KCNQ4: variants seen among roughly 807,000 people sequenced by gnomAD.
KCNQ4 encodes the protein potassium voltage-gated channel subfamily Q member 4, also known as potassium voltage-gated channel subfamily KQT member 4.
In KCNQ4, 31 loss-of-function variants were observed where a neutral mutation model predicts 72.6. The ratio of observed to expected loss-of-function variants is 0.43; its 90% confidence interval spans 0.32 to 0.58. The LOEUF (loss-of-function observed/expected upper bound fraction) is 0.58, where lower values mean the gene tolerates loss of function less well. Among genes scored for constraint, KCNQ4 ranks in the 20% least tolerant of loss-of-function variants. KCNQ4 has a pLI of 0.08. For missense variants in KCNQ4, 869 were observed against 962.6 expected, an observed-to-expected ratio of 0.90 and a Z score of 1.29; for synonymous variants, 405 against 403.7, an observed-to-expected ratio of 1.00 and a Z score of -0.04.
At chr1:40,795,365 G>A (rs978790990) in intron 1 of KCNQ4, among the ~76,000 whole-genome samples, 5 of 150,728 alleles carry the variant, frequency 3.3e-5, no homozygotes, top group African/African-American at 7.3e-5. Flanking sequence ...GGGCTCAAGC[G>A]ATCCTCCTGC....
chr1:40,797,165 T>C (rs1333567748), intron 1 of KCNQ4, among the ~76,000 whole-genome samples: 1 of 152,202 alleles, frequency 6.6e-6, no homozygotes, highest in Non-Finnish European at 1.5e-5. Context: ...AGCTGGCAGT[T>C]ACCAGGCAGG....
chr1:40,838,373 T>G lies in KCNQ4; in HGVS notation c.1938T>G (p.Ser646=), dbSNP rs1648873079. The G allele has an allele frequency of 6.2e-7, 1 of 1,613,920 alleles. No homozygotes were observed. Among genetic ancestry groups the G allele is most frequent in the Non-Finnish European group, 8.5e-7 (1 of 1,179,950 alleles). ...LLGFYSRCLR[S]GTSASLGAVQ... is the part of the protein sequence containing the mutation. ...GCTTCTATTCGCGCTGCCTGCGCTCTGGCACCTCGGCCAGCCTGGGCGCCG... is the reference window on the plus strand; with the variant it reads ...GCTTCTATTCGCGCTGCCTGCGCTCGGGCACCTCGGCCAGCCTGGGCGCCG... The change falls in exon 14 of 14, where the codon TCT becomes TCG. Residue 646 remains serine (S), a synonymous_variant. Transcript: ENST00000347132.
At chr1:40,813,575 T>C (rs1647991422) in intron 1 of KCNQ4, among the ~76,000 whole-genome samples, 1 of 151,926 alleles carries the variant, frequency 6.6e-6, no homozygotes, top group South Asian at 2.1e-4. Flanking sequence ...TTTGGAGGTG[T>C]TGGGTTTGAG....
At chr1:40,835,188 C>A in intron 12 of KCNQ4, 90 bp downstream of exon 12, 1 of 1,491,946 alleles carries the variant, frequency 6.7e-7, no homozygotes, top group Non-Finnish European at 9.1e-7. Context: ...CGAGCACCCC[C>A]AAGGGCTCAC....
chr1:40,804,372 T>C (rs1409735715), intron 1 of KCNQ4, among the ~76,000 whole-genome samples: 1 of 152,210 alleles, frequency 6.6e-6, no homozygotes, highest in Non-Finnish European at 1.5e-5. Context: ...GTCTCTGATC[T>C]ACTGTATGAT....
Position 40,784,229 on chromosome 1 carries a change from G to C in KCNQ4, c.136G>C (p.Gly46Arg), listed in dbSNP as rs1647181456. The change falls in exon 1 of 14, where the codon GGC becomes CGC. Residue 46 changes from glycine (G) to arginine (R), a missense_variant. Physicochemically the swap from Gly to Arg is moderately radical, Grantham distance 125. Coordinates refer to ENST00000347132, the MANE Select transcript of KCNQ4 (RefSeq NM_004700.4). This position sits in a 1 kb window ranked among gnomAD's most constrained non-coding sequence, Gnocchi z 4.1. The stretch of plus-strand genomic sequence containing the variant: ...CGGGGGCGGCTCCCCGCGCCGCCTC[G>C]GCCTCCTGGGCAGCCCCCTGCCGCC... ...AGGGGSPRRL[G>R]LLGSPLPPGA... 8.2e-7 allele frequency: 1 copy of C among 1,214,716 alleles called. No individual in the cohort carries two copies. The highest frequency in any genetic ancestry group is 1.0e-6 in the Non-Finnish European group (1 of 981,020). 75.2% of individuals were successfully genotyped at this position (1,214,716 alleles called of 1,614,324 possible). A position where few individuals can be genotyped will look rare whatever the true frequency, so the allele number is the denominator to read the frequency against.
chr1:40,837,442 G>C (rs1432726521), intron 12 of KCNQ4, among the ~76,000 whole-genome samples: 1 of 152,176 alleles, frequency 6.6e-6, no homozygotes, highest in Non-Finnish European at 1.5e-5. Flanking sequence ...TGTTTTACTT[G>C]TCAGGTTCGT....
At position 40,785,643 on chromosome 1, in the gene KCNQ4, C is replaced by T. The variant is rs749617542; in HGVS notation, c.314+1236C>T. Among the ~76,000 whole-genome samples, 7 of 152,016 alleles carry T rather than the reference C, an allele frequency of 4.6e-5. No homozygotes were observed. In the South Asian group the frequency reaches 1.0e-3, roughly 23 times the overall value. ...TCCATCTGTGGCCTGTGCAGTTATC[C>T]GGGTGCCTGTCTGTGCATCTGCCTA... On this transcript the variant is annotated intron_variant, in intron 1 of 13. Transcript: ENST00000347132.
At position 40,784,518 on chromosome 1, in the gene KCNQ4, C is replaced by T; in HGVS notation, c.314+111C>T. 1 of 1,000,354 alleles carries T rather than the reference C, an allele frequency of 1.0e-6. No homozygotes were observed. The highest frequency in any genetic ancestry group is 1.5e-6 in the Non-Finnish European group (1 of 648,718). The allele number at this position is 1,000,354 out of a possible 1,614,324, so 62.0% of individuals were successfully genotyped here. A position where few individuals can be genotyped will look rare whatever the true frequency, so the allele number is the denominator to read the frequency against. On this transcript the variant is annotated intron_variant, in intron 1 of 13. Transcript: ENST00000347132. The surrounding 1 kb of genome is among the most constrained non-coding windows in gnomAD (Gnocchi z 4.1). ...TCTACCCCCCTGCCTCAGGGCCGAC[C>T]CTCATCTCTCTCCCCCCAGGCCTAA... is the stretch of plus-strand genomic sequence containing the variant.
At chr1:40,808,823 A>G (rs541663750) in intron 1 of KCNQ4, among the ~76,000 whole-genome samples, 1 of 152,108 alleles carries the variant, frequency 6.6e-6, no homozygotes, top group African/African-American at 2.4e-5. Flanking sequence ...TGGCTCTCTC[A>G]TCTTAAAAGA....
intron 3 of KCNQ4, 43 bp from the exon 4 acceptor site, chr1:40,818,462 G>T (rs114891551): frequency 4.4e-6 from 7 of 1,597,154 alleles, no homozygotes; most frequent in Non-Finnish European, 5.1e-6. Flanking sequence ...GGGTCCGTGC[G>T]CGGGGTAGGC....
chr1:40,832,735 C>T lies in KCNQ4; in HGVS notation c.1514-279C>T, dbSNP rs1176368962. ...TCCAGGGCTTTGTGCAACAAACTTG[C>T]CCTGGACTAGGCCAGCTGTGCCCTA... On this transcript the variant is annotated intron_variant, in intron 10 of 13. Transcript: ENST00000347132. 2.6e-5 allele frequency among the ~76,000 whole-genome samples: 4 copies of T among 152,188 alleles called. No individual in the cohort carries two copies. The East Asian group carries it at 7.7e-4, about 29-fold the overall frequency.
intron 13 of KCNQ4, 82 bp from the exon 14 acceptor site, chr1:40,838,229 T>C: frequency 8.4e-7 from 1 of 1,192,826 alleles, no homozygotes; most frequent in Non-Finnish European, 1.2e-6. Flanking sequence ...CCGGCTAGGG[T>C]CCGCCCCGAG....
In KCNQ4 at chr1:40,822,294, C is replaced by G; in HGVS notation, c.1042-20C>G. On this transcript the variant is annotated intron_variant, in intron 7 of 13. Transcript: ENST00000347132. The stretch of plus-strand genomic sequence containing the variant: ...GAGGCCTCACTGATGCCCCATCCCC[C>G]ACGTCCCCCATACCACCAGGCTGCC... 1 of 1,607,808 alleles carries G rather than the reference C, an allele frequency of 6.2e-7. No homozygotes were observed. The highest frequency in any genetic ancestry group is 8.5e-7 in the Non-Finnish European group (1 of 1,174,420).
chr1:40,812,750 G>A (rs1452470301), intron 1 of KCNQ4, among the ~76,000 whole-genome samples: 1 of 152,230 alleles, frequency 6.6e-6, no homozygotes, highest in African/African-American at 2.4e-5. Flanking sequence ...GGGGCAGCCA[G>A]AGGAGTCAGG....
At chr1:40,822,880 AGC>A (rs1648348090) in intron 8 of KCNQ4, among the ~76,000 whole-genome samples, 1 of 152,348 alleles carries the variant, frequency 6.6e-6, no homozygotes, top group Non-Finnish European at 1.5e-5. Flanking sequence ...TGGGCCAGTC[AGC>A]AGCCTCAGGG....
intron 1 of KCNQ4, among the ~76,000 whole-genome samples, chr1:40,815,217 T>A: frequency 1.4e-5 from 2 of 141,178 alleles, no homozygotes; most frequent in African/African-American, 2.7e-5. Flanking sequence ...TTCAGCCTGG[T>A]AACAGGATGA....
At position 40,784,139 on chromosome 1, in the gene KCNQ4, G is replaced by A; in HGVS notation, c.46G>A (p.Gly16Arg). ...PRRLGLGPPP[G>R]DAPRAELVAL... ...CCGCCTCGGCCTGGGTCCCCCGCCCGGGGACGCCCCCCGCGCGGAGCTAGT... is the reference window on the plus strand; with the variant it reads ...CCGCCTCGGCCTGGGTCCCCCGCCCAGGGACGCCCCCCGCGCGGAGCTAGT... The change falls in exon 1 of 14, where the codon GGG becomes AGG. Residue 16 changes from glycine to arginine, a missense_variant. This residue lies in a region of KCNQ4 where 178 missense variants were observed against 145.3 expected (regional missense o/e 1.22). Transcript: ENST00000347132. The surrounding 1 kb of genome is among the most constrained non-coding windows in gnomAD (Gnocchi z 4.1). 1.0e-6 allele frequency: 1 copy of A among 999,124 alleles called. No homozygotes were observed. Among genetic ancestry groups the A allele is most frequent in the Non-Finnish European group, 1.2e-6 (1 of 822,032 alleles). 61.9% of individuals were successfully genotyped at this position (999,124 alleles called of 1,614,324 possible).
chr1:40,784,104 C>A lies in KCNQ4; in HGVS notation c.11C>A (p.Ala4Asp), dbSNP rs1647180092. MAE[A>D]PPRRLGLGPP... ...AGCCCGGCGCCGCCCATGGCCGAGG[C>A]CCCCCCGCGCCGCCTCGGCCTGGGT... Residue 4 changes from alanine to aspartate, a missense_variant, in exon 1 of 14, where the codon GCC (alanine) becomes GAC (aspartate). By Grantham distance (126) the Ala-to-Asp change is moderately radical. Around this residue, in one of 5 missense-constraint regions of KCNQ4, gnomAD observed 178 missense variants for 145.3 expected, o/e 1.22. Transcript: ENST00000347132. The surrounding 1 kb of genome is among the most constrained non-coding windows in gnomAD (Gnocchi z 4.1). The A allele has an allele frequency of 1.2e-5, 6 of 485,508 alleles. No individual in the cohort carries two copies. The highest frequency in any genetic ancestry group is 7.9e-5 in the South Asian group (1 of 12,628). The allele number at this position is 485,508 out of a possible 1,614,324, so 30.1% of individuals were successfully genotyped here. A position where few individuals can be genotyped will look rare whatever the true frequency, so the allele number is the denominator to read the frequency against.
Sources: gnomAD v4.1 joint callset for allele counts (sites outside exome capture counted in the v4.1 genomes callset) on GRCh38, gnomAD v4.1.1 for gene constraint, gnomAD v4.1.1 regional missense constraint, Gnocchi (gnomAD v3.1) non-coding constraint, MANE v1.5 for transcripts, NCBI Gene and HGNC (gene_info 2026-07-23, HGNC 2026-07-21) for gene names.